PHLPP1: variants seen among roughly 807,000 people sequenced by gnomAD.
PHLPP1 encodes PH domain and leucine rich repeat protein phosphatase 1.
Under a neutral mutation model 117.2 loss-of-function variants are expected in PHLPP1, and 42 were observed. That is an observed-to-expected ratio of 0.36 (90% CI 0.28 to 0.46). PHLPP1 has a LOEUF of 0.46. Ranked by LOEUF, PHLPP1 falls within the 20% of genes least tolerant of loss-of-function variation. The pLI, the probability that PHLPP1 is intolerant of heterozygous loss-of-function variation, is 1.00. For missense variants in PHLPP1, 2,084 were observed against 2,241.9 expected, an observed-to-expected ratio of 0.93 and a Z score of 1.42; for synonymous variants, 1,042 against 970.7, an observed-to-expected ratio of 1.07 and a Z score of -1.37.
At chr18:62,966,632 G>A (rs887831498) in intron 14 of PHLPP1, among the ~76,000 whole-genome samples, 34 of 151,872 alleles carry the variant, frequency 2.2e-4, no homozygotes, top group African/African-American at 7.2e-4. Flanking sequence ...CACCACGCCC[G>A]GCTAATTTTT....
intron 1 of PHLPP1, among the ~76,000 whole-genome samples, chr18:62,790,002 G>A (rs1275644514): frequency 6.6e-6 from 1 of 152,178 alleles, no homozygotes; most frequent in Non-Finnish European, 1.5e-5. Flanking sequence ...AATTGTGTGT[G>A]AGGCTAGTGA....
intron 16 of PHLPP1, among the ~76,000 whole-genome samples, chr18:62,977,057 C>T (rs1911209195): frequency 6.6e-6 from 1 of 152,166 alleles, no homozygotes; most frequent in South Asian, 2.1e-4. Context: ...CTGCCAAATT[C>T]CATGCTTTGG....
Position 62,979,438 on chromosome 18 carries a change from C to A in PHLPP1, c.*7C>A. The A allele has an allele frequency of 1.3e-6, 2 of 1,549,310 alleles. No homozygotes were observed. Among genetic ancestry groups the A allele is most frequent in the South Asian group, 1.2e-5 (1 of 83,914 alleles). ...TTACGACACGCCACTATGACCCAGC[C>A]GAGCTGTTTAACAAATAAACTAACC... On this transcript the variant is annotated 3_prime_UTR_variant, in exon 17 of 17. Transcript: ENST00000262719.
In PHLPP1 at chr18:62,934,586, G is replaced by A. The variant is rs530794411; in HGVS notation, c.2961-7132G>A. Among the ~76,000 whole-genome samples, 76 of 152,144 alleles carry A rather than the reference G, an allele frequency of 5.0e-4. No homozygotes were observed. The Middle Eastern group carries it at 0.014, about 27-fold the overall frequency. ...ACTCTGAAAGAGATAAGGGATATAC[G>A]GTTTGAAAAACTACCTATTGGGTAC... On this transcript the variant is annotated intron_variant, in intron 10 of 16. Coordinates refer to ENST00000262719, the MANE Select transcript of PHLPP1 (RefSeq NM_194449.4).
chr18:62,930,828 C>T (rs1267564108), intron 10 of PHLPP1, among the ~76,000 whole-genome samples: 1 of 152,138 alleles, frequency 6.6e-6, no homozygotes, highest in Non-Finnish European at 1.5e-5. Flanking sequence ...AATTGAAATC[C>T]TGTCAAGCAT....
At chr18:62,761,599 C>T (rs1350298404) in intron 1 of PHLPP1, among the ~76,000 whole-genome samples, 1 of 150,998 alleles carries the variant, frequency 6.6e-6, no homozygotes, top group East Asian at 1.9e-4. Context: ...CGCCACTGCG[C>T]TCCAGCCTGG....
At chr18:62,746,308 G>A (rs901507559) in intron 1 of PHLPP1, among the ~76,000 whole-genome samples, 2 of 152,124 alleles carry the variant, frequency 1.3e-5, no homozygotes, top group African/African-American at 4.8e-5. Context: ...GCCTCCCAAA[G>A]TGCTGGGATT....
At chr18:62,941,337 T>C (rs1474593264) in intron 10 of PHLPP1, among the ~76,000 whole-genome samples, 2 of 152,344 alleles carry the variant, frequency 1.3e-5, no homozygotes, top group South Asian at 2.1e-4. Context: ...ACTCCTGGCA[T>C]CCTCCTGCTT....
rs1916760722 is a variant in PHLPP1, at chr18:62,902,951, C to T, written c.2445-13C>T. 2 of 1,576,272 alleles carry T rather than the reference C, an allele frequency of 1.3e-6. No homozygotes were observed. The highest frequency in any genetic ancestry group is 2.7e-5 in the African/African-American group (2 of 74,362). ...TGCAGTTAATTATAGTCTCTATGTC[C>T]TTTGCCCTCAAGGTTGAACGTAATT... On this transcript the variant is annotated splice_polypyrimidine_tract_variant and intron_variant, in intron 6 of 16. Coordinates refer to ENST00000262719, the MANE Select transcript of PHLPP1 (RefSeq NM_194449.4).
chr18:62,760,547 T>A (rs1053618599), intron 1 of PHLPP1, among the ~76,000 whole-genome samples: 1 of 152,216 alleles, frequency 6.6e-6, no homozygotes, highest in African/African-American at 2.4e-5. Flanking sequence ...TTACCAGTTT[T>A]ACGTCAGCTC....
chr18:62,862,320 A>T (rs1012407056), intron 4 of PHLPP1, among the ~76,000 whole-genome samples: 3 of 152,026 alleles, frequency 2.0e-5, no homozygotes, highest in African/African-American at 7.3e-5. Context: ...ACCTGAAGTG[A>T]TCCGCCCACC....
At chr18:62,965,049 CAG>C (rs1430653142) in intron 14 of PHLPP1, among the ~76,000 whole-genome samples, 4 of 152,050 alleles carry the variant, frequency 2.6e-5, no homozygotes, top group Admixed American at 6.6e-5. Flanking sequence ...AAAAAATGAA[CAG>C]AGTCATTGAA....
intron 1 of PHLPP1, among the ~76,000 whole-genome samples, chr18:62,752,479 A>G (rs117053369): frequency 2.2e-4 from 34 of 152,360 alleles, no homozygotes; most frequent in Admixed American, 3.9e-4. Flanking sequence ...AATTGTTGTT[A>G]TATCTCCAGT....
chr18:62,726,228 T>TG (rs1360170351), intron 1 of PHLPP1, among the ~76,000 whole-genome samples: 3 of 151,820 alleles, frequency 2.0e-5, no homozygotes, highest in Non-Finnish European at 4.4e-5. Context: ...TAACTGATCC[T>TG]GGGGAAAAAA....
chr18:62,812,415 A>G (rs1271765001), intron 1 of PHLPP1, among the ~76,000 whole-genome samples: 2 of 152,198 alleles, frequency 1.3e-5, no homozygotes, highest in Non-Finnish European at 2.9e-5. Flanking sequence ...AGCAGTGTGC[A>G]TCACCTTTGA....
chr18:62,831,281 G>A (rs772683513), intron 2 of PHLPP1, among the ~76,000 whole-genome samples: 1 of 151,666 alleles, frequency 6.6e-6, no homozygotes, highest in Non-Finnish European at 1.5e-5. Flanking sequence ...TGGAAATTAG[G>A]ATTTGGATGA....
At chr18:62,905,137 G>GCACACCTAA in intron 7 of PHLPP1, 87 bp from the exon 8 acceptor site, 1 of 658,488 alleles carries the variant, frequency 1.5e-6, no homozygotes, top group Non-Finnish European at 2.3e-6. Context: ...AGAGAATAAA[G>GCACACCTAA]CACAGTAATG....
At chr18:62,798,185 A>G (rs1438555894) in intron 1 of PHLPP1, among the ~76,000 whole-genome samples, 1 of 152,136 alleles carries the variant, frequency 6.6e-6, no homozygotes, top group Non-Finnish European at 1.5e-5. Flanking sequence ...AAGGCCCACA[A>G]ATTTGCTTTT....
chr18:62,771,882 A>G (rs571445204), intron 1 of PHLPP1, among the ~76,000 whole-genome samples: 1 of 152,352 alleles, frequency 6.6e-6, no homozygotes, highest in South Asian at 2.1e-4. Context: ...TGCAGTGTTA[A>G]CAATGTCCAT....
Sources: allele counts gnomAD v4.1 joint callset (sites outside exome capture counted in the v4.1 genomes callset), GRCh38; gene constraint gnomAD v4.1.1; transcripts MANE v1.5; gene names NCBI Gene and HGNC (gene_info 2026-07-23, HGNC 2026-07-21).